Variants in MYRIP observed in about 807,000 individuals in gnomAD.
MYRIP encodes rab effector MyRIP.
In MYRIP, 49 loss-of-function variants were observed where a neutral mutation model predicts 98.0. The observed-to-expected ratio is 0.50, with a 90% CI of 0.40 to 0.63. MYRIP has a LOEUF of 0.63. Among genes scored for constraint, MYRIP ranks in the 30% least tolerant of loss-of-function variants. The probability of loss-of-function intolerance (pLI) is 0.00; values close to 1 mark genes in which losing one functional copy is unlikely to be tolerated. For synonymous variants in MYRIP, 404 were observed against 409.5 expected, an observed-to-expected ratio of 0.99 and a Z score of 0.16; for missense variants, 1,004 against 1,058.2, an observed-to-expected ratio of 0.95 and a Z score of 0.71.
At chr3:39,873,660 G>A (rs1422688371) in intron 1 of MYRIP, among the ~76,000 whole-genome samples, 21 of 151,908 alleles carry the variant, frequency 1.4e-4, no homozygotes, top group East Asian at 9.7e-4. Flanking sequence ...GATATGTGGC[G>A]TTATTTCTGA....
chr3:40,198,914 A>G (rs1250986145), intron 10 of MYRIP, among the ~76,000 whole-genome samples: 2 of 152,252 alleles, frequency 1.3e-5, no homozygotes, highest in East Asian at 3.8e-4. Context: ...AAATATGAAC[A>G]GGAGAAAATA....
At chr3:40,234,992 C>CTCA (rs1952788328) in intron 12 of MYRIP, among the ~76,000 whole-genome samples, 2 of 111,590 alleles carry the variant, frequency 1.8e-5, no homozygotes, top group Non-Finnish European at 1.8e-5. Flanking sequence ...GACCCTGTCT[C>CTCA]AAAAAAAAAA....
chr3:39,886,954 G>A, intron 1 of MYRIP, among the ~76,000 whole-genome samples: 1 of 151,976 alleles, frequency 6.6e-6, no homozygotes, highest in East Asian at 1.9e-4. Flanking sequence ...GCTCTCCTCA[G>A]CAAATGTAAA....
rs116009802 is a variant in MYRIP at position 39,950,490 on chromosome 3, A to T, written c.110+49564A>T. On this transcript the variant is annotated intron_variant, in intron 2 of 16. Coordinates refer to ENST00000302541, the MANE Select transcript of MYRIP (RefSeq NM_015460.4). ...TGCATCTGATTATGCCCAGCTTTTCATTCCTTCAGTTTTATGAATTCTGAG... is the reference window on the plus strand; with the variant it reads ...TGCATCTGATTATGCCCAGCTTTTCTTTCCTTCAGTTTTATGAATTCTGAG... Among the ~76,000 whole-genome samples the T allele has an allele frequency of 2.2e-3, 333 of 152,258 alleles. 1 individual carries two copies. The highest frequency in any genetic ancestry group is 6.9e-3 in the African/African-American group (286 of 41,570).
chr3:40,056,414 C>T (rs1380128996), intron 3 of MYRIP, among the ~76,000 whole-genome samples: 2 of 152,166 alleles, frequency 1.3e-5, no homozygotes, highest in Non-Finnish European at 2.9e-5. Flanking sequence ...TTCTTGACAA[C>T]CCTAAGCACA....
At position 40,071,983 on chromosome 3, in the gene MYRIP, C is replaced by T. The variant is rs149311338; in HGVS notation, c.332+27712C>T. Among the ~76,000 whole-genome samples, 290 of 152,186 alleles carry T rather than the reference C, an allele frequency of 1.9e-3. 3 individuals are homozygous for T. The highest frequency in any genetic ancestry group is 6.8e-3 in the African/African-American group (283 of 41,510). On this transcript the variant is annotated intron_variant, in intron 3 of 16. Coordinates refer to ENST00000302541, the MANE Select transcript of MYRIP (RefSeq NM_015460.4). ...GGCCAGACTCTCTGCTAGACAAACA[C>T]AAAGGAATCTCTGGTCAGAATGGCA...
intron 2 of MYRIP, among the ~76,000 whole-genome samples, chr3:39,958,326 CAG>C (rs1450672477): frequency 6.6e-6 from 1 of 152,104 alleles, no homozygotes; most frequent in Non-Finnish European, 1.5e-5. Context: ...GGTACCAAAA[CAG>C]AGATATAGAC....
chr3:40,202,744 T>C (rs1446192402), intron 10 of MYRIP, among the ~76,000 whole-genome samples: 1 of 152,034 alleles, frequency 6.6e-6, no homozygotes, highest in Non-Finnish European at 1.5e-5. Flanking sequence ...TCAGCCTTTG[T>C]CTTCATCAAT....
At chr3:39,948,564 A>G (rs1003016987) in intron 2 of MYRIP, among the ~76,000 whole-genome samples, 3 of 152,172 alleles carry the variant, frequency 2.0e-5, no homozygotes, top group African/African-American at 7.2e-5. Flanking sequence ...AGCAGATTAA[A>G]CATTGGTGAA....
intron 10 of MYRIP, among the ~76,000 whole-genome samples, chr3:40,201,433 G>C (rs376485508): frequency 8.1e-6 from 1 of 124,154 alleles, no homozygotes; most frequent in Non-Finnish European, 1.8e-5. Flanking sequence ...AATGTAATAT[G>C]AAGGACTCAG....
upstream of MYRIP, among the ~76,000 whole-genome samples, chr3:39,809,341 CG>C (rs1174928624): frequency 6.6e-6 from 1 of 150,556 alleles, no homozygotes; most frequent in Non-Finnish European, 1.5e-5. Flanking sequence ...GGGAGGGGCG[CG>C]GGTCCCCGCC....
intron 8 of MYRIP, among the ~76,000 whole-genome samples, chr3:40,172,109 G>C (rs560633983): frequency 6.6e-6 from 1 of 152,252 alleles, no homozygotes; most frequent in South Asian, 2.1e-4. Flanking sequence ...CAAGGTTGGG[G>C]TGGGGACACA....
At chr3:40,213,839 T>C (rs370842871) in intron 11 of MYRIP, among the ~76,000 whole-genome samples, 12 of 151,872 alleles carry the variant, frequency 7.9e-5, no homozygotes, top group African/African-American at 2.7e-4. Flanking sequence ...GGAGCGGGAG[T>C]GAGGCACTAA....
chr3:39,936,760 C>T (rs1256944370), intron 2 of MYRIP, among the ~76,000 whole-genome samples: 1 of 152,132 alleles, frequency 6.6e-6, no homozygotes, highest in Non-Finnish European at 1.5e-5. Context: ...CCTCCCAGGG[C>T]TCTAATTACT....
intron 3 of MYRIP, among the ~76,000 whole-genome samples, chr3:40,082,343 C>A (rs898755768): frequency 6.6e-6 from 1 of 152,196 alleles, no homozygotes; most frequent in African/African-American, 2.4e-5. Context: ...ATGGAATCAG[C>A]CTGGCATTTA....
At chr3:40,243,341 AT>A (rs1953084886) in intron 12 of MYRIP, among the ~76,000 whole-genome samples, 1 of 150,430 alleles carries the variant, frequency 6.6e-6, no homozygotes, top group Non-Finnish European at 1.5e-5. Flanking sequence ...ATGCCAAGGA[AT>A]TGACAGAGTG....
chr3:40,110,513 A>G (rs1201728898), intron 3 of MYRIP, among the ~76,000 whole-genome samples: 2 of 152,208 alleles, frequency 1.3e-5, no homozygotes, highest in Non-Finnish European at 2.9e-5. Context: ...AAAGTTGGAG[A>G]GGAATGGGTG....
intron 1 of MYRIP, among the ~76,000 whole-genome samples, chr3:39,876,640 T>A (rs151175266): frequency 6.6e-6 from 1 of 151,808 alleles, no homozygotes; most frequent in Non-Finnish European, 1.5e-5. Context: ...GTTTGAAAAT[T>A]CTTTTCTTTA....
intron 2 of MYRIP, among the ~76,000 whole-genome samples, chr3:39,937,956 G>A (rs1436419736): frequency 1.3e-5 from 2 of 152,166 alleles, no homozygotes; most frequent in African/African-American, 2.4e-5. Flanking sequence ...ATGAAAAGGA[G>A]GAGGAGAGAG....
Sources: gnomAD v4.1 joint callset for allele counts (sites outside exome capture counted in the v4.1 genomes callset) on GRCh38, gnomAD v4.1.1 for gene constraint, MANE v1.5 for transcripts, NCBI Gene and HGNC (gene_info 2026-07-23, HGNC 2026-07-21) for gene names.